The following CACNA1A variants were observed in gnomAD, a reference collection of about 807,000 sequenced individuals.
CACNA1A encodes calcium voltage-gated channel subunit alpha1 A, also known as voltage-dependent P/Q-type calcium channel subunit alpha-1A.
CACNA1A carries 57 observed loss-of-function variants against 262.4 expected under a neutral mutation model. The ratio of observed to expected loss-of-function variants is 0.22; its 90% confidence interval spans 0.18 to 0.27. CACNA1A has a LOEUF of 0.27. Among genes scored for constraint, CACNA1A ranks in the 10% least tolerant of loss-of-function variants. CACNA1A has a pLI of 1.00. For synonymous variants in CACNA1A, 1,431 were observed against 1,419.3 expected (o/e 1.01, Z -0.18); for missense variants, 2,526 against 3,562.8 (o/e 0.71, Z 7.41).
intron 3 of CACNA1A, among the ~76,000 whole-genome samples, chr19:13,388,205 C>T (rs1277313652): frequency 2.0e-5 from 3 of 150,928 alleles, no homozygotes; most frequent in Non-Finnish European, 4.4e-5. Context: ...TCTTAAATCA[C>T]CCAGCTTTCC....
chr19:13,424,040 C>A (rs1330707253), intron 3 of CACNA1A, among the ~76,000 whole-genome samples: 12 of 152,036 alleles, frequency 7.9e-5, no homozygotes, highest in African/African-American at 2.9e-4. Context: ...CCTTTCATAC[C>A]ACCTTCATTT....
At chr19:13,497,173 T>C (rs970978879) in intron 1 of CACNA1A, among the ~76,000 whole-genome samples, 11 of 151,934 alleles carry the variant, frequency 7.2e-5, no homozygotes, top group Non-Finnish European at 1.3e-4. Context: ...ACCCAGCCTC[T>C]TAGAGAAAAT....
At position 13,506,368 on chromosome 19, in the gene CACNA1A, C is replaced by G; in HGVS notation, c.-144G>C. 1.5e-6 allele frequency: 1 copy of G among 661,716 alleles called. No homozygotes were observed. Among genetic ancestry groups the G allele is most frequent in the Non-Finnish European group, 2.2e-6 (1 of 461,652 alleles). 41.0% of individuals were successfully genotyped at this position (661,716 alleles called of 1,614,324 possible). A position where few individuals can be genotyped will look rare whatever the true frequency, so the allele number is the denominator to read the frequency against. On this transcript the variant is annotated 5_prime_UTR_variant, in exon 1 of 47. Transcript: ENST00000360228. ...TACGACTGCGGAGACGCTCCACGGC[C>G]CAGCCCATCGGGCGGCGGCGGCTCG...
rs770058965 is a variant in CACNA1A at position 13,212,122 on chromosome 19, C to G, written c.6284G>C (p.Arg2095Pro). The G allele has an allele frequency of 9.3e-6, 15 of 1,612,348 alleles. No homozygotes were observed. The highest frequency in any genetic ancestry group is 1.3e-5 in the Non-Finnish European group (15 of 1,178,936). The change falls in exon 43 of 47, where the codon CGC becomes CCC. Residue 2095 changes from arginine to proline, a missense_variant. This residue lies in a region of CACNA1A where 929 missense variants were observed against 868.1 expected (regional missense o/e 1.07). Transcript: ENST00000360228. This position sits in a 1 kb window ranked among gnomAD's most constrained non-coding sequence, Gnocchi z 5.6. ...CCTCACCTGGTTCTCTGCAGGGAGG[C>G]GGGGCATGGAGGCAGCCCGGCCCTG... is the stretch of plus-strand genomic sequence containing the variant. The part of the protein sequence containing the change: ...EGQGRAASMP[R>P]LPAENQRRRG...
intron 6 of CACNA1A, among the ~76,000 whole-genome samples, chr19:13,337,973 A>G (rs567608389): frequency 1.3e-5 from 2 of 152,318 alleles, no homozygotes; most frequent in South Asian, 4.1e-4. Flanking sequence ...CAATCCCAGC[A>G]CTTTGGGAGG....
intron 1 of CACNA1A, among the ~76,000 whole-genome samples, chr19:13,464,641 C>T (rs912713698): frequency 2.0e-4 from 30 of 151,168 alleles, no homozygotes; most frequent in Non-Finnish European, 4.1e-4. Context: ...CTCCGCCTCC[C>T]AGGTTCACGC....
chr19:13,469,050 G>C (rs1012303912), intron 1 of CACNA1A, among the ~76,000 whole-genome samples: 1 of 152,080 alleles, frequency 6.6e-6, no homozygotes, highest in African/African-American at 2.4e-5. Context: ...GGTGAGGAGG[G>C]CTCCCTCAAA....
intron 3 of CACNA1A, among the ~76,000 whole-genome samples, chr19:13,412,706 A>G (rs1289810371): frequency 6.6e-6 from 1 of 151,982 alleles, no homozygotes; most frequent in East Asian, 1.9e-4. Context: ...CAAACGCCCA[A>G]CCTCAGGTGA....
chr19:13,227,552 A>G, intron 36 of CACNA1A, 25 bp from the exon 37 acceptor site: 1 of 1,389,498 alleles, frequency 7.2e-7, no homozygotes, highest in Non-Finnish European at 1.0e-6. Flanking sequence ...AATGAAAAAA[A>G]CAAAAACAAA....
At chr19:13,303,311 C>T (rs1600282282) in intron 17 of CACNA1A, among the ~76,000 whole-genome samples, 2 of 152,272 alleles carry the variant, frequency 1.3e-5, no homozygotes, top group Middle Eastern at 6.8e-3. Flanking sequence ...CTGCAGCGAC[C>T]TCACTGCCTT....
chr19:13,505,919 G>A lies in CACNA1A; in HGVS notation c.293+13C>T, dbSNP rs1982983508. The A allele has an allele frequency of 6.2e-7, 1 of 1,609,992 alleles. No individual in the cohort carries two copies. ...GAGGCGCAGCTGCTGCTGGGGTTCG[G>A]GCAAAAGGATATGGCCATTCGGTGA... On this transcript the variant is annotated intron_variant, in intron 1 of 46. Coordinates refer to ENST00000360228, the MANE Select transcript of CACNA1A (RefSeq NM_001127222.2).
intron 6 of CACNA1A, among the ~76,000 whole-genome samples, chr19:13,336,588 A>AGAGAGGGAGAGAGAGG (rs1568547284): frequency 4.7e-4 from 39 of 83,472 alleles, no homozygotes; most frequent in Middle Eastern, 5.4e-3. Flanking sequence ...AGACAGAGAG[A>AGAGAGGGAGAGAGAGG]GAGAGGGAGA....
intron 1 of CACNA1A, among the ~76,000 whole-genome samples, chr19:13,497,155 A>T (rs1039806618): frequency 1.1e-4 from 17 of 151,980 alleles, no homozygotes; most frequent in African/African-American, 3.9e-4. Context: ...CCAAGAGCTA[A>T]CCGGTTGACC....
chr19:13,384,560 C>T (rs1050161311), intron 3 of CACNA1A, among the ~76,000 whole-genome samples: 5 of 152,208 alleles, frequency 3.3e-5, no homozygotes, highest in Middle Eastern at 3.4e-3. Context: ...ATTAGCCAGC[C>T]GTGGTGGCGG....
At position 13,402,871 on chromosome 19, in the gene CACNA1A, C is replaced by CACAT. The variant is rs1200336483; in HGVS notation, c.540-31096_540-31093dup. ...ACATATATATATACACACACACACA[C>CACAT]ACATATATATATATATATATATATA... On this transcript the variant is annotated intron_variant, in intron 3 of 46. Transcript: ENST00000360228. Among the ~76,000 whole-genome samples the CACAT allele has an allele frequency of 3.3e-4, 21 of 64,184 alleles. No homozygotes were observed. In the South Asian group the frequency reaches 3.7e-3, roughly 11 times the overall value. The allele number at this position is 64,184 out of a possible 152,430, so 42.1% of individuals were successfully genotyped here. A position where few individuals can be genotyped will look rare whatever the true frequency, so the allele number is the denominator to read the frequency against.
At chr19:13,474,021 T>G (rs1978305785) in intron 1 of CACNA1A, among the ~76,000 whole-genome samples, 1 of 152,240 alleles carries the variant, frequency 6.6e-6, no homozygotes, top group South Asian at 2.1e-4. Flanking sequence ...TCCATGAAGA[T>G]TCTCCTTGAA....
At chr19:13,325,803 T>A (rs1217475910) in intron 10 of CACNA1A, among the ~76,000 whole-genome samples, 1 of 152,228 alleles carries the variant, frequency 6.6e-6, no homozygotes, top group Non-Finnish European at 1.5e-5. Flanking sequence ...CTATTTATAG[T>A]GCATAACATG....
chr19:13,345,730 C>T (rs985114041), intron 6 of CACNA1A, among the ~76,000 whole-genome samples: 4 of 152,172 alleles, frequency 2.6e-5, no homozygotes, highest in South Asian at 4.1e-4. Context: ...TGTGAAAAAG[C>T]TGAAGTCTGA....
intron 45 of CACNA1A, 76 bp from the exon 46 acceptor site, chr19:13,209,085 C>T: frequency 6.6e-7 from 1 of 1,526,368 alleles, no homozygotes; most frequent in Non-Finnish European, 8.8e-7. Context: ...CACAGGAGGC[C>T]ACCTGGAAGG....
Sources: gnomAD v4.1 joint callset for allele counts (sites outside exome capture counted in the v4.1 genomes callset) on GRCh38, gnomAD v4.1.1 for gene constraint, gnomAD v4.1.1 regional missense constraint, Gnocchi (gnomAD v3.1) non-coding constraint, MANE v1.5 for transcripts, NCBI Gene and HGNC (gene_info 2026-07-23, HGNC 2026-07-21) for gene names.